The following EFNA5 variants were observed in gnomAD, a reference collection of about 807,000 sequenced individuals.
EFNA5 encodes the protein ephrin-A5.
Under a neutral mutation model 22.9 loss-of-function variants are expected in EFNA5, and 5 were observed. That is an observed-to-expected ratio of 0.22 (90% confidence interval 0.11 to 0.46). The LOEUF (loss-of-function observed/expected upper bound fraction) is 0.46, where lower values mean the gene tolerates loss of function less well. Ranked by LOEUF, EFNA5 falls within the 20% of genes least tolerant of loss-of-function variation. The probability of loss-of-function intolerance (pLI) is 0.99; values close to 1 mark genes in which losing one functional copy is unlikely to be tolerated. For missense variants in EFNA5, 237 were observed against 293.3 expected, an observed-to-expected ratio of 0.81 and a Z score of 1.40; for synonymous variants, 113 against 112.2, an observed-to-expected ratio of 1.01 and a Z score of -0.04.
chr5:107,588,473 G>T (rs1749241856), intron 1 of EFNA5, among the ~76,000 whole-genome samples: 1 of 152,164 alleles, frequency 6.6e-6, no homozygotes, highest in South Asian at 2.1e-4. Context: ...ATGTTTACAG[G>T]AAAGTGAGTT....
At chr5:107,505,705 C>T (rs1747237839) in intron 1 of EFNA5, among the ~76,000 whole-genome samples, 1 of 152,132 alleles carries the variant, frequency 6.6e-6, no homozygotes, top group African/African-American at 2.4e-5. Flanking sequence ...TTGGGTACCT[C>T]CTATGTACAC....
At chr5:107,627,854 G>T (rs1254223431) in intron 1 of EFNA5, among the ~76,000 whole-genome samples, 1 of 152,038 alleles carries the variant, frequency 6.6e-6, no homozygotes, top group Non-Finnish European at 1.5e-5. Context: ...CTATTCATTA[G>T]CATTGCTCAC....
chr5:107,513,083 G>A (rs983574136), intron 1 of EFNA5, among the ~76,000 whole-genome samples: 2 of 152,144 alleles, frequency 1.3e-5, no homozygotes, highest in African/African-American at 4.8e-5. Context: ...CACCCACCAG[G>A]CATGAGAGGT....
At chr5:107,577,440 C>T (rs2112491773) in intron 1 of EFNA5, among the ~76,000 whole-genome samples, 1 of 152,108 alleles carries the variant, frequency 6.6e-6, no homozygotes, top group Non-Finnish European at 1.5e-5. Context: ...ACACAGAAAA[C>T]CCAGTGAAGG....
At chr5:107,391,519 TG>T (rs968862593) in intron 2 of EFNA5, among the ~76,000 whole-genome samples, 8 of 151,772 alleles carry the variant, frequency 5.3e-5, no homozygotes, top group African/African-American at 1.7e-4. Context: ...TGCAAACAGG[TG>T]AAAAAAAAAT....
chr5:107,430,331 A>G (rs1480764235), intron 1 of EFNA5, among the ~76,000 whole-genome samples: 1 of 152,188 alleles, frequency 6.6e-6, no homozygotes, highest in Non-Finnish European at 1.5e-5. Context: ...AGCAGAAGGC[A>G]ATGCCCAGAT....
At chr5:107,657,682 T>C (rs1230378552) in intron 1 of EFNA5, among the ~76,000 whole-genome samples, 2 of 152,186 alleles carry the variant, frequency 1.3e-5, no homozygotes, top group Admixed American at 6.6e-5. Context: ...GTTCATCTGT[T>C]TCCTTTCATA....
intron 4 of EFNA5, among the ~76,000 whole-genome samples, chr5:107,385,561 G>A (rs904316208): frequency 6.6e-6 from 1 of 152,138 alleles, no homozygotes; most frequent in East Asian, 1.9e-4. Context: ...AATGGTAAGA[G>A]ACCACTACTT....
rs376711588 is a variant in EFNA5, at chr5:107,508,390, AAC to A, written c.126-80883_126-80882del. 3.6e-3 allele frequency among the ~76,000 whole-genome samples: 552 copies of A among 152,296 alleles called. 5 individuals carry two copies. Among genetic ancestry groups the A allele is most frequent in the African/African-American group, 0.012 (511 of 41,556 alleles). ...CTGGATAATTATTCACACAGACACA[AAC>A]ACACACACAGACGAATGTCATCAGA... On this transcript the variant is annotated intron_variant, in intron 1 of 4. Transcript: ENST00000333274.
chr5:107,453,106 T>C (rs1036101862), intron 1 of EFNA5, among the ~76,000 whole-genome samples: 5 of 152,148 alleles, frequency 3.3e-5, no homozygotes, highest in African/African-American at 4.8e-5. Flanking sequence ...ATACACTATT[T>C]AACTGGATAT....
chr5:107,484,800 AT>A (rs5870263), intron 1 of EFNA5, among the ~76,000 whole-genome samples: 180 of 147,570 alleles, frequency 1.2e-3, no homozygotes, highest in Middle Eastern at 3.5e-3. Flanking sequence ...ATGATTTTGT[AT>A]TTTTTTTTTT....
intron 1 of EFNA5, among the ~76,000 whole-genome samples, chr5:107,537,220 G>T (rs952753472): frequency 2.0e-5 from 3 of 152,156 alleles, no homozygotes; most frequent in African/African-American, 7.2e-5. Context: ...TAGACTGGGT[G>T]TGGTGGCTCA....
intron 1 of EFNA5, among the ~76,000 whole-genome samples, chr5:107,569,559 T>TTATA (rs70996962): frequency 0.076 from 3,152 of 41,686 alleles, 99 homozygotes; most frequent in South Asian, 0.13. Flanking sequence ...ATATATATAT[T>TTATA]TATATATATA....
chr5:107,469,652 C>A (rs1160379528), intron 1 of EFNA5, among the ~76,000 whole-genome samples: 1 of 151,816 alleles, frequency 6.6e-6, no homozygotes, highest in Admixed American at 6.6e-5. Context: ...GTTACTGCCC[C>A]CCCTTTATTT....
chr5:107,447,710 A>G (rs934136104), intron 1 of EFNA5, among the ~76,000 whole-genome samples: 1 of 152,238 alleles, frequency 6.6e-6, no homozygotes, highest in African/African-American at 2.4e-5. Flanking sequence ...CTTCTCAGGC[A>G]AGGCAAAATG....
chr5:107,427,537 T>C, intron 1 of EFNA5, 28 bp from the exon 2 acceptor site: 1 of 1,559,448 alleles, frequency 6.4e-7, no homozygotes, highest in Non-Finnish European at 8.7e-7. Context: ...AAAAATGTGA[T>C]AATTCATAGA....
At chr5:107,590,642 C>T (rs1749302425) in intron 1 of EFNA5, among the ~76,000 whole-genome samples, 1 of 152,094 alleles carries the variant, frequency 6.6e-6, no homozygotes. Context: ...ATCCTCCCAC[C>T]TCAGCCTCCC....
rs1479981127 is a variant in EFNA5 at position 107,417,529 on chromosome 5, A to C, written c.418+9688T>G. On this transcript the variant is annotated intron_variant, in intron 2 of 4. Coordinates refer to ENST00000333274, the MANE Select transcript of EFNA5 (RefSeq NM_001962.3). ...CCCAGAAACCATATTTCAAGCCCAA[A>C]GGATACTCATGAACTAAAATAATGA... Among the ~76,000 whole-genome samples the C allele has an allele frequency of 2.6e-5, 4 of 152,170 alleles. No homozygotes were observed. In the South Asian group the frequency reaches 6.2e-4, roughly 24 times the overall value.
At chr5:107,481,307 C>A (rs1180894908) in intron 1 of EFNA5, among the ~76,000 whole-genome samples, 2 of 152,116 alleles carry the variant, frequency 1.3e-5, no homozygotes, top group African/African-American at 2.4e-5. Flanking sequence ...TGAACTTAAC[C>A]GATTTGACAT....
Sources: gnomAD v4.1 joint callset for allele counts (sites outside exome capture counted in the v4.1 genomes callset) on GRCh38, gnomAD v4.1.1 for gene constraint, MANE v1.5 for transcripts, NCBI Gene and HGNC (gene_info 2026-07-23, HGNC 2026-07-21) for gene names.